Variants in ARMH3 observed in about 807,000 individuals in gnomAD.
The protein encoded by ARMH3 is armadillo like helical domain containing 3.
ARMH3 carries 60 observed loss-of-function variants against 99.1 expected under a neutral mutation model. That is an observed-to-expected ratio of 0.61 (90% CI 0.49 to 0.75). ARMH3 has a LOEUF of 0.75. ARMH3 is among the 30% of genes least tolerant of loss of function. The pLI is 0.00. For missense variants in ARMH3, 679 were observed against 843.1 expected, an observed-to-expected ratio of 0.81 and a Z score of 2.41; for synonymous variants, 285 against 292.8, an observed-to-expected ratio of 0.97 and a Z score of 0.27.
intron 5 of ARMH3, among the ~76,000 whole-genome samples, chr10:102,026,749 A>G (rs1238298487): frequency 1.3e-5 from 2 of 152,160 alleles, no homozygotes; most frequent in Non-Finnish European, 2.9e-5. Context: ...TAGTGACAGG[A>G]GACTAATGAA....
intron 24 of ARMH3, among the ~76,000 whole-genome samples, chr10:101,864,535 C>T (rs1426037215): frequency 6.6e-6 from 1 of 152,138 alleles, no homozygotes; most frequent in Non-Finnish European, 1.5e-5. Context: ...AAATGTGGCA[C>T]ATATACACTA....
chr10:102,001,614 C>A (rs971192999), intron 15 of ARMH3, among the ~76,000 whole-genome samples: 1 of 152,234 alleles, frequency 6.6e-6, no homozygotes, highest in African/African-American at 2.4e-5. Flanking sequence ...CTGATGCTTT[C>A]AGTTCCTGTC....
chr10:101,994,482 G>C (rs917977074), intron 16 of ARMH3, among the ~76,000 whole-genome samples: 1 of 152,108 alleles, frequency 6.6e-6, no homozygotes, highest in Non-Finnish European at 1.5e-5. Flanking sequence ...AATAGTAAAG[G>C]GGGAGGTTGA....
intron 20 of ARMH3, among the ~76,000 whole-genome samples, chr10:101,973,920 C>T (rs535279260): frequency 2.0e-5 from 3 of 152,270 alleles, no homozygotes; most frequent in Admixed American, 6.5e-5. Context: ...CTCTTTAATC[C>T]TATGCTTTTA....
intron 24 of ARMH3, among the ~76,000 whole-genome samples, chr10:101,878,068 G>A (rs1462762883): frequency 6.6e-6 from 1 of 152,048 alleles, no homozygotes; most frequent in Non-Finnish European, 1.5e-5. Flanking sequence ...GACTAGCCTG[G>A]CCAACATGGC....
chr10:101,990,152 T>G (rs1173522196), intron 19 of ARMH3, among the ~76,000 whole-genome samples: 1 of 152,110 alleles, frequency 6.6e-6, no homozygotes, highest in Non-Finnish European at 1.5e-5. Flanking sequence ...TGTGTTTTTC[T>G]TAAAGTATAC....
intron 8 of ARMH3, among the ~76,000 whole-genome samples, chr10:102,021,523 C>T (rs2066884565): frequency 6.6e-6 from 1 of 151,924 alleles, no homozygotes; most frequent in Non-Finnish European, 1.5e-5. Flanking sequence ...GCTGAGACTA[C>T]AGATGCATAT....
At position 101,925,201 on chromosome 10, in the gene ARMH3, T is replaced by C. The variant is rs1207047360; in HGVS notation, c.1781+14662A>G. 4.6e-5 allele frequency among the ~76,000 whole-genome samples: 7 copies of C among 152,178 alleles called. No homozygotes were observed. In the East Asian group the frequency reaches 1.3e-3, roughly 29 times the overall value. On this transcript the variant is annotated intron_variant, in intron 23 of 25. Coordinates refer to ENST00000370033, the MANE Select transcript of ARMH3 (RefSeq NM_024541.3). ...GTGATTCAGCTGCTGAATAACATAA[T>C]GCAATTGGAGGCTGCAAATAAAATA...
intron 22 of ARMH3, among the ~76,000 whole-genome samples, chr10:101,944,277 G>C (rs373082789): frequency 5.8e-5 from 1 of 17,124 alleles, no homozygotes; most frequent in Admixed American, 8.1e-4. Context: ...TATATATAGA[G>C]AGAGAGAGAG....
chr10:101,990,810 A>T (rs907338618), intron 18 of ARMH3, among the ~76,000 whole-genome samples, 199 bp from the exon 19 acceptor site: 3 of 152,246 alleles, frequency 2.0e-5, no homozygotes, highest in African/African-American at 7.2e-5. Context: ...TAAAGTAATA[A>T]GAAATTATTT....
intron 20 of ARMH3, among the ~76,000 whole-genome samples, chr10:101,966,191 C>T (rs1590099977): frequency 6.7e-6 from 1 of 149,556 alleles, no homozygotes. Context: ...CTGCAACCTC[C>T]ACCTCCCGGG....
At chr10:101,964,740 G>A (rs1447643341) in intron 20 of ARMH3, among the ~76,000 whole-genome samples, 1 of 151,994 alleles carries the variant, frequency 6.6e-6, no homozygotes, top group Non-Finnish European at 1.5e-5. Context: ...GCCAGACACG[G>A]TGGCTCACAC....
chr10:102,012,346 G>T (rs1229517408), intron 10 of ARMH3, among the ~76,000 whole-genome samples: 1 of 152,148 alleles, frequency 6.6e-6, no homozygotes, highest in East Asian at 1.9e-4. Flanking sequence ...TCAATGAAGG[G>T]AGCCCCCAGG....
chr10:101,934,273 A>C (rs1843852369), intron 23 of ARMH3, among the ~76,000 whole-genome samples: 1 of 152,138 alleles, frequency 6.6e-6, no homozygotes, highest in African/African-American at 2.4e-5. Flanking sequence ...TGAGGGGAAG[A>C]GTGTTTTTTA....
At chr10:102,019,543 G>A (rs2136146168) in intron 8 of ARMH3, among the ~76,000 whole-genome samples, 1 of 152,292 alleles carries the variant, frequency 6.6e-6, no homozygotes, top group Admixed American at 6.5e-5. Flanking sequence ...GAAAGACAGT[G>A]ATATTGATCA....
intron 23 of ARMH3, among the ~76,000 whole-genome samples, chr10:101,928,448 A>G (rs540418726): frequency 6.6e-6 from 1 of 152,326 alleles, no homozygotes; most frequent in Non-Finnish European, 1.5e-5. Flanking sequence ...TCCTAATTTG[A>G]GCCAATAAAA....
intron 20 of ARMH3, among the ~76,000 whole-genome samples, chr10:101,958,506 C>T (rs1207124364): frequency 6.6e-6 from 1 of 152,140 alleles, no homozygotes; most frequent in Non-Finnish European, 1.5e-5. Context: ...TACTCATTCA[C>T]CTAGCACATT....
At chr10:101,987,906 T>A (rs1359820620) in intron 19 of ARMH3, among the ~76,000 whole-genome samples, 4 of 152,220 alleles carry the variant, frequency 2.6e-5, no homozygotes, top group African/African-American at 9.6e-5. Flanking sequence ...AGGTTTTTTT[T>A]AATTCTTTGC....
chr10:101,889,304 TG>T, intron 24 of ARMH3, 107 bp downstream of exon 24: 1 of 1,083,874 alleles, frequency 9.2e-7, no homozygotes, highest in Non-Finnish European at 1.4e-6. Context: ...AGCCTGGCCC[TG>T]GTCACTACCA....
Sources: allele counts gnomAD v4.1 joint callset (sites outside exome capture counted in the v4.1 genomes callset), GRCh38; gene constraint gnomAD v4.1.1; transcripts MANE v1.5; gene names NCBI Gene and HGNC (gene_info 2026-07-23, HGNC 2026-07-21).